PPARG: variants seen among roughly 807,000 people sequenced by gnomAD.
PPARG encodes peroxisome proliferator-activated receptor gamma.
Under a neutral mutation model 39.2 loss-of-function variants are expected in PPARG, and 17 were observed. The observed-to-expected ratio is 0.43, with a 90% confidence interval of 0.30 to 0.65. The LOEUF (loss-of-function observed/expected upper bound fraction) is 0.65. Ranked by LOEUF, PPARG falls within the 30% of genes least tolerant of loss-of-function variation. The pLI, the probability that PPARG is intolerant of heterozygous loss-of-function variation, is 0.13. For missense variants in PPARG, 406 were observed against 585.9 expected (o/e 0.69, Z 3.17); for synonymous variants, 223 against 215.7 (o/e 1.03, Z -0.30).
intron 5 of PPARG, among the ~76,000 whole-genome samples, chr3:12,402,951 TC>T (rs1163352809): frequency 7.2e-5 from 11 of 152,202 alleles, no homozygotes; most frequent in Admixed American, 7.2e-4. Context: ...ATACTTTAGA[TC>T]ATCTCTAGAT....
chr3:12,292,081 TTTGAGA>T (rs2046662557), intron 1 of PPARG, among the ~76,000 whole-genome samples: 1 of 152,236 alleles, frequency 6.6e-6, no homozygotes, highest in African/African-American at 2.4e-5. Context: ...CCTCAATAAC[TTTGAGA>T]TTGTTAAGAT....
chr3:12,425,577 G>A (rs2051412215), intron 7 of PPARG, among the ~76,000 whole-genome samples: 1 of 152,142 alleles, frequency 6.6e-6, no homozygotes, highest in Admixed American at 6.5e-5. Context: ...CAGGTTAGTG[G>A]TAGACTTGGA....
At chr3:12,380,063 C>T in intron 3 of PPARG, 132 bp downstream of exon 3, 1 of 871,110 alleles carries the variant, frequency 1.1e-6, no homozygotes, top group Admixed American at 2.0e-5. Context: ...ATTTATTCAC[C>T]CATTTATCCA....
chr3:12,387,648 T>G (rs2049928477), intron 4 of PPARG, among the ~76,000 whole-genome samples: 1 of 152,188 alleles, frequency 6.6e-6, no homozygotes, highest in South Asian at 2.1e-4. Context: ...TTGCAAAAAT[T>G]TTCTCCCATT....
At chr3:12,352,506 A>G (rs2048519829) in intron 2 of PPARG, among the ~76,000 whole-genome samples, 1 of 151,998 alleles carries the variant, frequency 6.6e-6, no homozygotes, top group South Asian at 2.1e-4. Flanking sequence ...TCTGTTTTGT[A>G]TTGTCTCGTA....
chr3:12,432,653 G>A lies in PPARG; in HGVS notation c.1181-1245G>A, dbSNP rs114105173. Among the ~76,000 whole-genome samples the A allele has an allele frequency of 6.3e-3, 954 of 152,242 alleles. 14 individuals carry two copies. Among genetic ancestry groups the A allele is most frequent in the African/African-American group, 0.021 (873 of 41,532 alleles). On this transcript the variant is annotated intron_variant, in intron 7 of 7. Transcript: ENST00000651735. ...TTTAGCCAACACACTATGGCAAGAAGAGGAAATGAGAAAGGTTAATGCTGC... is the reference window on the plus strand; with the variant it reads ...TTTAGCCAACACACTATGGCAAGAAAAGGAAATGAGAAAGGTTAATGCTGC...
chr3:12,311,809 TC>T (rs1223610723), intron 1 of PPARG, among the ~76,000 whole-genome samples: 4 of 152,214 alleles, frequency 2.6e-5, no homozygotes, highest in Admixed American at 6.5e-5. Flanking sequence ...TGGTTCGTCC[TC>T]TGAAAAGTCT....
intron 2 of PPARG, chr3:12,328,337 T>G (rs1574998597): frequency 2.4e-6 from 2 of 817,778 alleles, no homozygotes; most frequent in Non-Finnish European, 4.1e-6. Context: ...GGCAGAGGAG[T>G]CTCTGCAGGG....
At chr3:12,365,576 AATT>A (rs888069202) in intron 2 of PPARG, among the ~76,000 whole-genome samples, 8 of 151,366 alleles carry the variant, frequency 5.3e-5, no homozygotes, top group African/African-American at 1.7e-4. Context: ...TCTGTGTCTA[AATT>A]ATTATTATTA....
At chr3:12,297,233 A>G (rs2046809722) in intron 1 of PPARG, among the ~76,000 whole-genome samples, 1 of 152,198 alleles carries the variant, frequency 6.6e-6, no homozygotes, top group Non-Finnish European at 1.5e-5. Flanking sequence ...TTTAGAAACT[A>G]CTCACAACTC....
Position 12,296,808 on chromosome 3 carries a change from C to T in PPARG, c.-83+7674C>T, listed in dbSNP as rs114570229. 3.9e-3 allele frequency among the ~76,000 whole-genome samples: 588 copies of T among 152,250 alleles called. 2 individuals carry two copies. Among genetic ancestry groups the T allele is most frequent in the Non-Finnish European group, 5.4e-3 (364 of 68,006 alleles). On this transcript the variant is annotated intron_variant, in intron 1 of 7. Transcript: ENST00000651735. ...ATTTTATAAAATCACAGAAGATGAT[C>T]GGCCCTAGAGGACTGGTTCATGTTA...
chr3:12,351,706 A>T, intron 2 of PPARG: 2 of 1,527,824 alleles, frequency 1.3e-6, no homozygotes, highest in Non-Finnish European at 1.8e-6. Flanking sequence ...GCTATTGGGG[A>T]CGTGGGGGCA....
chr3:12,413,972 G>A (rs2125277437), intron 6 of PPARG, among the ~76,000 whole-genome samples: 1 of 152,284 alleles, frequency 6.6e-6, no homozygotes, highest in Non-Finnish European at 1.5e-5. Flanking sequence ...GAGAAAATTA[G>A]CAGGATTTTG....
At position 12,417,045 on chromosome 3, in the gene PPARG, T is replaced by G. The variant is rs2051086975; in HGVS notation, c.1071T>G (p.Pro357=). 1.9e-6 allele frequency: 3 copies of G among 1,613,082 alleles called. No homozygotes were observed. Among genetic ancestry groups the G allele is most frequent in the Non-Finnish European group, 2.5e-6 (3 of 1,179,314 alleles). The change falls in exon 7 of 8, where the codon CCT becomes CCG. Residue 357 remains proline, a synonymous_variant. Coordinates refer to ENST00000651735, the MANE Select transcript of PPARG (RefSeq NM_138711.6). Reference sequence around the variant, plus strand: ...AGTTTCTAAAGAGCCTGCGAAAGCCTTTTGGTGACTTTATGGAGCCCAAGT... The same window carrying G: ...AGTTTCTAAAGAGCCTGCGAAAGCCGTTTGGTGACTTTATGGAGCCCAAGT... ...TREFLKSLRK[P]FGDFMEPKFE...
At chr3:12,324,780 A>G (rs916513708) in intron 2 of PPARG, among the ~76,000 whole-genome samples, 2 of 152,174 alleles carry the variant, frequency 1.3e-5, no homozygotes, top group African/African-American at 2.4e-5. Flanking sequence ...TAAGTCCACA[A>G]GTCAGAATTT....
intron 2 of PPARG, among the ~76,000 whole-genome samples, chr3:12,366,318 C>A (rs755295747): frequency 1.3e-5 from 2 of 151,504 alleles, no homozygotes; most frequent in African/African-American, 2.4e-5. Flanking sequence ...TAATCACTTA[C>A]TAGGTCCAGG....
chr3:12,373,009 GAC>G (rs1559512524), intron 2 of PPARG, among the ~76,000 whole-genome samples: 1 of 152,184 alleles, frequency 6.6e-6, no homozygotes, highest in African/African-American at 2.4e-5. Flanking sequence ...AGGGAGTTAA[GAC>G]ATGTTCTTGT....
intron 2 of PPARG, chr3:12,351,641 T>G: frequency 6.2e-7 from 1 of 1,611,732 alleles, no homozygotes; most frequent in Non-Finnish European, 8.5e-7. Flanking sequence ...AAGCGATTCC[T>G]TCACTGATAC....
At chr3:12,348,460 A>G (rs756111201) in intron 2 of PPARG, among the ~76,000 whole-genome samples, 6 of 152,182 alleles carry the variant, frequency 3.9e-5, no homozygotes, top group East Asian at 1.9e-4. Context: ...CAAGCGGTCA[A>G]TTTTTTCAAA....
Sources: allele counts gnomAD v4.1 joint callset (sites outside exome capture counted in the v4.1 genomes callset), GRCh38; gene constraint gnomAD v4.1.1; transcripts MANE v1.5; gene names NCBI Gene and HGNC (gene_info 2026-07-23, HGNC 2026-07-21).